The following DPP10 variants were observed in gnomAD, a reference collection of about 807,000 sequenced individuals.
DPP10 encodes the protein inactive dipeptidyl peptidase 10.
A neutral mutation model predicts 120.9 loss-of-function variants in DPP10; 33 were observed. The ratio of observed to expected loss-of-function variants is 0.27; its 90% confidence interval spans 0.21 to 0.37. The LOEUF (loss-of-function observed/expected upper bound fraction) is 0.37, where lower values mean the gene tolerates loss of function less well. DPP10 is among the 10% of genes least tolerant of loss of function. The pLI, the probability that DPP10 is intolerant of heterozygous loss-of-function variation, is 1.00. For missense variants in DPP10, 816 were observed against 942.8 expected (o/e 0.87, Z 1.76); for synonymous variants, 337 against 326.1 (o/e 1.03, Z -0.36).
At chr2:115,304,991 G>A (rs2061301472) in intron 1 of DPP10, among the ~76,000 whole-genome samples, 1 of 152,020 alleles carries the variant, frequency 6.6e-6, no homozygotes, top group South Asian at 2.1e-4. Flanking sequence ...GTTTAGTTTG[G>A]ACTATAGCAC....
chr2:114,573,354 T>G (rs776883741), intron 1 of DPP10, among the ~76,000 whole-genome samples: 2 of 152,062 alleles, frequency 1.3e-5, no homozygotes, highest in South Asian at 4.2e-4. Flanking sequence ...TTTGGTCAAG[T>G]CCAAATGAAG....
intron 1 of DPP10, among the ~76,000 whole-genome samples, chr2:114,929,045 C>A (rs775114216): frequency 8.5e-5 from 13 of 152,256 alleles, no homozygotes; most frequent in Middle Eastern, 3.4e-3. Context: ...TACAGCTGGG[C>A]CTCCAGGGGT....
rs36082071 is a variant in DPP10, at chr2:115,782,270, GAA to G, written c.1484-77_1484-76del. 2.4e-6 allele frequency: 3 copies of G among 1,274,902 alleles called. No homozygotes were observed. The South Asian group carries it at 3.9e-5, about 17-fold the overall frequency. The allele number at this position is 1,274,902 out of a possible 1,614,324, so 79.0% of individuals were successfully genotyped here. A position where few individuals can be genotyped will look rare whatever the true frequency, so the allele number is the denominator to read the frequency against. ...ACCACGAAGTGCTTCCATTTGGGGGGAAAAAACTATTATGTAAACTTTCTAAT... is the reference window on the plus strand; with the variant it reads ...ACCACGAAGTGCTTCCATTTGGGGGGAAAACTATTATGTAAACTTTCTAAT... On this transcript the variant is annotated intron_variant, in intron 16 of 25. Transcript: ENST00000410059.
chr2:114,609,095 G>C (rs545952780), intron 1 of DPP10, among the ~76,000 whole-genome samples: 1 of 152,118 alleles, frequency 6.6e-6, no homozygotes, highest in Non-Finnish European at 1.5e-5. Context: ...AGCTTGGAAG[G>C]TTTGATGAAC....
At chr2:114,614,087 TAAAAA>T (rs1211652535) in intron 1 of DPP10, among the ~76,000 whole-genome samples, 1 of 152,138 alleles carries the variant, frequency 6.6e-6, no homozygotes, top group Non-Finnish European at 1.5e-5. Context: ...TGTACCTATG[TAAAAA>T]ACCGGCACAT....
rs558606081 is a variant in DPP10, at chr2:115,502,015, A to G, written c.366+2411A>G. Among the ~76,000 whole-genome samples the G allele has an allele frequency of 1.4e-4, 21 of 152,242 alleles. No homozygotes were observed. In the South Asian group the frequency reaches 3.7e-3, roughly 27 times the overall value. On this transcript the variant is annotated intron_variant, in intron 4 of 25. Coordinates refer to ENST00000410059, the MANE Select transcript of DPP10 (RefSeq NM_020868.6). The stretch of plus-strand genomic sequence containing the variant: ...TGACAAGTCATTTGAGAAAATAAAT[A>G]TACTATTGATGAAAATGTCATAACA...
At chr2:115,675,237 C>T (rs2090165936) in intron 5 of DPP10, among the ~76,000 whole-genome samples, 1 of 152,046 alleles carries the variant, frequency 6.6e-6, no homozygotes, top group Non-Finnish European at 1.5e-5. Flanking sequence ...TATTTTAATC[C>T]ACAAACTCAC....
At chr2:115,144,739 A>G (rs1376770428) in intron 1 of DPP10, 2 of 151,478 alleles carry the variant, frequency 1.3e-5, no homozygotes, top group East Asian at 1.9e-4. Context: ...TGGGTGCAGC[A>G]CACCAGCATG....
chr2:114,449,547 A>G (rs566765468), intron 1 of DPP10, among the ~76,000 whole-genome samples: 2 of 151,996 alleles, frequency 1.3e-5, no homozygotes, highest in African/African-American at 4.8e-5. Context: ...GCAAACGGAT[A>G]TAAGGCAGAT....
chr2:115,249,615 G>A (rs556861058), intron 1 of DPP10, among the ~76,000 whole-genome samples: 18 of 152,212 alleles, frequency 1.2e-4, no homozygotes, highest in East Asian at 7.7e-4. Context: ...TGATCTGATC[G>A]GAAATTCTAC....
At chr2:115,733,072 A>T (rs2092949158) in intron 8 of DPP10, among the ~76,000 whole-genome samples, 1 of 152,198 alleles carries the variant, frequency 6.6e-6, no homozygotes, top group Non-Finnish European at 1.5e-5. Context: ...TGCTTCATAG[A>T]TGACATGGGC....
At chr2:114,553,487 C>T (rs1688048835) in intron 1 of DPP10, among the ~76,000 whole-genome samples, 1 of 152,202 alleles carries the variant, frequency 6.6e-6, no homozygotes, top group South Asian at 2.1e-4. Context: ...AGATTACTTT[C>T]CCCTGGGGAG....
intron 1 of DPP10, among the ~76,000 whole-genome samples, chr2:114,891,047 T>C (rs1426380054): frequency 6.6e-6 from 1 of 152,152 alleles, no homozygotes. Flanking sequence ...TGACAGATGC[T>C]ACTATTTAAA....
chr2:114,493,782 C>T (rs1176647991), intron 1 of DPP10, among the ~76,000 whole-genome samples: 3 of 152,040 alleles, frequency 2.0e-5, no homozygotes, highest in African/African-American at 7.2e-5. Flanking sequence ...GAAGATTGTT[C>T]TGCAAGAGAA....
intron 3 of DPP10, among the ~76,000 whole-genome samples, chr2:115,384,458 GGAAGAAGAAGGAAGAAGAAGGAA>G (rs2066708626): frequency 2.1e-5 from 1 of 46,552 alleles, no homozygotes; most frequent in African/African-American, 5.6e-5. Flanking sequence ...AGAAGAAGAA[GGAAGAAGAAGGAAGAAGAAGGAA>G]GAAGAAGAAG....
intron 24 of DPP10, 140 bp downstream of exon 24, chr2:115,836,886 T>G: frequency 1.5e-6 from 1 of 687,540 alleles, no homozygotes; most frequent in East Asian, 2.7e-5. Flanking sequence ...AGATACATGA[T>G]AGAAGGTGGG....
In DPP10 at chr2:115,633,589, A is replaced by G. The variant is rs1397068812; in HGVS notation, c.442-56098A>G. On this transcript the variant is annotated intron_variant, in intron 5 of 25. Transcript: ENST00000410059. ...AGAACTTAAAGTATAAAAAAAAAGA[A>G]AAGAATGTTGAATATTGGCCCTCAA... Among the ~76,000 whole-genome samples the G allele has an allele frequency of 3.9e-5, 6 of 152,078 alleles. No individual in the cohort carries two copies. The East Asian group carries it at 1.2e-3, about 29-fold the overall frequency.
intron 11 of DPP10, among the ~76,000 whole-genome samples, chr2:115,757,113 C>T (rs1409054217): frequency 6.6e-6 from 1 of 151,912 alleles, no homozygotes; most frequent in South Asian, 2.1e-4. Context: ...CTGTATCATT[C>T]TTTCTAAGGA....
At chr2:115,244,239 TAGAGAGAGAGAGAGAGAGAGAG>T (rs67598156) in intron 1 of DPP10, among the ~76,000 whole-genome samples, 27 of 93,482 alleles carry the variant, frequency 2.9e-4, no homozygotes, top group Admixed American at 1.5e-3. Context: ...TATATATATA[TAGAGAGAGAGAGAGAGAGAGAG>T]AGAGAGAGAG....
Sources: gnomAD v4.1 joint callset for allele counts (sites outside exome capture counted in the v4.1 genomes callset) on GRCh38, gnomAD v4.1.1 for gene constraint, MANE v1.5 for transcripts, NCBI Gene and HGNC (gene_info 2026-07-23, HGNC 2026-07-21) for gene names.